The following GRB10 variants were observed in gnomAD, a reference collection of about 807,000 sequenced individuals.
GRB10 encodes growth factor receptor-bound protein 10.
A neutral mutation model predicts 80.9 loss-of-function variants in GRB10; 20 were observed. The ratio of observed to expected loss-of-function variants is 0.25; its 90% CI spans 0.17 to 0.36. The LOEUF is 0.36. GRB10 is among the 10% of genes least tolerant of loss of function. The pLI is 1.00. For synonymous variants in GRB10, 291 were observed against 291.5 expected, an observed-to-expected ratio of 1.00 and a Z score of 0.02; for missense variants, 548 against 747.7, an observed-to-expected ratio of 0.73 and a Z score of 3.12.
intron 3 of GRB10, among the ~76,000 whole-genome samples, chr7:50,752,757 C>T (rs1030392794): frequency 6.6e-6 from 1 of 152,140 alleles, no homozygotes; most frequent in Non-Finnish European, 1.5e-5. Context: ...TGAGGCTGAG[C>T]CCCGCAAGGC....
chr7:50,665,918 C>T (rs1000314460), intron 7 of GRB10, among the ~76,000 whole-genome samples: 1 of 152,160 alleles, frequency 6.6e-6, no homozygotes. Context: ...CAGCTATTCC[C>T]GCCAACCCAG....
intron 15 of GRB10, among the ~76,000 whole-genome samples, chr7:50,604,640 C>T (rs2048207364): frequency 6.6e-6 from 1 of 152,194 alleles, no homozygotes; most frequent in Non-Finnish European, 1.5e-5. Context: ...ACGATGAAAA[C>T]GCCATGAACA....
intron 3 of GRB10, among the ~76,000 whole-genome samples, chr7:50,735,195 A>G (rs530951227): frequency 4.6e-5 from 7 of 152,362 alleles, no homozygotes; most frequent in African/African-American, 1.7e-4. Flanking sequence ...TAAGAAAACA[A>G]TTCCATTTAC....
intron 13 of GRB10, among the ~76,000 whole-genome samples, chr7:50,610,277 C>T (rs762170677): frequency 6.6e-5 from 10 of 152,166 alleles, no homozygotes; most frequent in Admixed American, 1.3e-4. Flanking sequence ...GAATCAGTGC[C>T]GACAACACTC....
At chr7:50,594,639 A>C (rs1316240652) in intron 18 of GRB10, among the ~76,000 whole-genome samples, 9 of 152,226 alleles carry the variant, frequency 5.9e-5, no homozygotes, top group Admixed American at 5.9e-4. Context: ...TCAATTCAGC[A>C]TGTAAACAGC....
At chr7:50,646,709 G>A (rs2057252267) in intron 7 of GRB10, among the ~76,000 whole-genome samples, 1 of 152,084 alleles carries the variant, frequency 6.6e-6, no homozygotes, top group African/African-American at 2.4e-5. Context: ...GGGTAGAGTG[G>A]GAAAAAGTTT....
chr7:50,608,134 T>C (rs930511660), intron 13 of GRB10, among the ~76,000 whole-genome samples: 2 of 152,162 alleles, frequency 1.3e-5, no homozygotes, highest in African/African-American at 4.8e-5. Flanking sequence ...AGCTACAGAT[T>C]CAGGGTGTAG....
At position 50,669,719 on chromosome 7, in the gene GRB10, C is replaced by T; in HGVS notation, c.504+3G>A. 2 of 1,612,754 alleles carry T rather than the reference C, an allele frequency of 1.2e-6. No individual in the cohort carries two copies. Among genetic ancestry groups the T allele is most frequent in the Non-Finnish European group, 1.7e-6 (2 of 1,179,910 alleles). Reference sequence around the variant, plus strand: ...CCTGGGCTCCAGCCAGGGGCACACTCACCTGCTTTGCGGCGGCCTGGCTCG... The same window carrying T: ...CCTGGGCTCCAGCCAGGGGCACACTTACCTGCTTTGCGGCGGCCTGGCTCG... On this transcript the variant is annotated splice_donor_region_variant and intron_variant, in intron 7 of 18. Coordinates refer to ENST00000401949, the MANE Select transcript of GRB10 (RefSeq NM_001350814.2).
chr7:50,636,854 T>A (rs1438351853), intron 7 of GRB10, among the ~76,000 whole-genome samples: 2 of 151,970 alleles, frequency 1.3e-5, no homozygotes, highest in African/African-American at 2.4e-5. Context: ...CCACTACTAT[T>A]AAACGTAGCA....
intron 7 of GRB10, among the ~76,000 whole-genome samples, chr7:50,646,702 T>C (rs1034638724): frequency 6.6e-6 from 1 of 151,904 alleles, no homozygotes; most frequent in African/African-American, 2.4e-5. Flanking sequence ...TGAGTGGGGG[T>C]AGAGTGGGAA....
intron 3 of GRB10, among the ~76,000 whole-genome samples, chr7:50,748,686 C>T (rs1471827720): frequency 6.6e-6 from 1 of 152,176 alleles, no homozygotes; most frequent in African/African-American, 2.4e-5. Context: ...GTAAGCAACC[C>T]CAGTGTTTAG....
chr7:50,781,949 T>C (rs1023039726), intron 1 of GRB10, among the ~76,000 whole-genome samples: 4 of 152,182 alleles, frequency 2.6e-5, no homozygotes, highest in Non-Finnish European at 5.9e-5. Flanking sequence ...TACCGGACTA[T>C]ATGCCATCCA....
At chr7:50,710,813 T>A in intron 4 of GRB10, 1 of 1,561,330 alleles carries the variant, frequency 6.4e-7, no homozygotes, top group Non-Finnish European at 8.8e-7. Flanking sequence ...TAAAATAACA[T>A]AAATAAAGGG....
intron 2 of GRB10, chr7:50,779,034 T>C (rs2153712717): frequency 6.6e-6 from 1 of 152,306 alleles, no homozygotes; most frequent in African/African-American, 2.4e-5. Flanking sequence ...TATGGACACA[T>C]TTAAGAATGT....
At chr7:50,724,014 T>A (rs2068180030) in intron 4 of GRB10, among the ~76,000 whole-genome samples, 1 of 151,972 alleles carries the variant, frequency 6.6e-6, no homozygotes, top group Non-Finnish European at 1.5e-5. Flanking sequence ...TAGGGAAGAG[T>A]GGACAACACA....
chr7:50,779,205 T>C (rs990870610), intron 2 of GRB10: 1 of 152,196 alleles, frequency 6.6e-6, no homozygotes, highest in Non-Finnish European at 1.5e-5. Context: ...GGAAATGCAT[T>C]AAGACCTTAC....
At chr7:50,731,256 C>T (rs28599932) in intron 4 of GRB10, among the ~76,000 whole-genome samples, 21,889 of 151,140 alleles carry the variant, frequency 0.14, 5,266 homozygotes, top group African/African-American at 0.5. Flanking sequence ...TTAGAATGAA[C>T]GGTATTCCTA....
intron 3 of GRB10, among the ~76,000 whole-genome samples, chr7:50,744,367 G>A (rs2072461725): frequency 6.6e-6 from 1 of 152,096 alleles, no homozygotes; most frequent in African/African-American, 2.4e-5. Context: ...GAGAAGGATG[G>A]GGAGAGAAGA....
At chr7:50,770,761 A>AT (rs11388561) in intron 2 of GRB10, among the ~76,000 whole-genome samples, 137,300 of 151,774 alleles carry the variant, frequency 0.9, 62,227 homozygotes, top group East Asian at 0.96. Context: ...CACTCTTCCC[A>AT]TTTTTTTTGT....
Sources: gnomAD v4.1 joint callset for allele counts (sites outside exome capture counted in the v4.1 genomes callset) on GRCh38, gnomAD v4.1.1 for gene constraint, MANE v1.5 for transcripts, NCBI Gene and HGNC (gene_info 2026-07-23, HGNC 2026-07-21) for gene names.